The following UNC79 variants were observed in gnomAD, a reference collection of about 807,000 sequenced individuals.
The protein encoded by UNC79 is unc-79 subunit of NALCN channel complex.
UNC79 carries 37 observed loss-of-function variants against 283.1 expected under a neutral mutation model. That is an observed-to-expected ratio of 0.13 (90% CI 0.10 to 0.17). The LOEUF is 0.17. Among genes scored for constraint, UNC79 ranks in the 10% least tolerant of loss-of-function variants. The probability of loss-of-function intolerance (pLI) is 1.00; values close to 1 mark genes in which losing one functional copy is unlikely to be tolerated. For synonymous variants in UNC79, 1,107 were observed against 1,200.2 expected (o/e 0.92, Z 1.61); for missense variants, 2,272 against 3,211.1 (o/e 0.71, Z 7.07).
At chr14:93,439,458 CTT>C (rs1310255318) in intron 1 of UNC79, among the ~76,000 whole-genome samples, 3 of 151,882 alleles carry the variant, frequency 2.0e-5, no homozygotes, top group African/African-American at 7.3e-5. Context: ...TGCTTCCTCT[CTT>C]AACTTTATTA....
chr14:93,646,597 T>C lies in UNC79; in HGVS notation c.6045-11T>C, dbSNP rs78261885. ...AGATATTTGTGTGACTCTCTTTACTTTATTTCCTAGATTGGCATCCAGTAC... is the reference window on the plus strand; with the variant it reads ...AGATATTTGTGTGACTCTCTTTACTCTATTTCCTAGATTGGCATCCAGTAC... On this transcript the variant is annotated splice_polypyrimidine_tract_variant and intron_variant, in intron 34 of 48. Coordinates refer to ENST00000555664, the Ensembl canonical transcript of UNC79. The C allele has an allele frequency of 3.2e-3, 5,179 of 1,613,566 alleles. 148 individuals are homozygous for C. In the African/African-American group the frequency reaches 0.06, roughly 19 times the overall value.
chr14:93,646,501 T>C, intron 34 of UNC79, 107 bp from the exon 38 acceptor site: 9 of 1,054,314 alleles, frequency 8.5e-6, no homozygotes, highest in Non-Finnish European at 1.1e-5. Flanking sequence ...ACATTATACA[T>C]GTCTCCCCAT....
At chr14:93,649,209 A>T (rs1462560242) in intron 35 of UNC79, among the ~76,000 whole-genome samples, 1 of 152,130 alleles carries the variant, frequency 6.6e-6, no homozygotes, top group Non-Finnish European at 1.5e-5. Flanking sequence ...ACATAAGATG[A>T]TATTATTGTT....
exon 2 of UNC79, chr14:93,467,724 A>G: frequency 1.4e-6 from 2 of 1,473,362 alleles, no homozygotes; most frequent in Non-Finnish European, 1.8e-6. Context: ...TCTCCACAAC[A>G]TTTATCCTGT....
chr14:93,530,342 G>A (rs918509551), intron 10 of UNC79, among the ~76,000 whole-genome samples: 4 of 152,128 alleles, frequency 2.6e-5, no homozygotes, highest in Admixed American at 2.0e-4. Flanking sequence ...AAGTGGAGGC[G>A]GGCTGATGGC....
intron 14 of UNC79, among the ~76,000 whole-genome samples, chr14:93,544,857 G>A (rs1224324921): frequency 6.6e-6 from 1 of 152,222 alleles, no homozygotes; most frequent in African/African-American, 2.4e-5. Context: ...CGGTGTCACA[G>A]TTATGGTTAT....
At chr14:93,405,320 T>C (rs1298507020) in intron 1 of UNC79, among the ~76,000 whole-genome samples, 1 of 151,242 alleles carries the variant, frequency 6.6e-6, no homozygotes, top group Non-Finnish European at 1.5e-5. Flanking sequence ...GTAACAATTA[T>C]GTTTACCCTA....
At chr14:93,467,698 A>G in exon 2 of UNC79, 5 of 1,271,346 alleles carry the variant, frequency 3.9e-6, no homozygotes, top group Non-Finnish European at 5.0e-6. Flanking sequence ...TACTTGCAGG[A>G]ATATCATAAC....
At chr14:93,483,251 C>T (rs1175798314) in intron 4 of UNC79, among the ~76,000 whole-genome samples, 1 of 152,106 alleles carries the variant, frequency 6.6e-6, no homozygotes, top group Non-Finnish European at 1.5e-5. Flanking sequence ...CCTGTTTGCC[C>T]TTTCTTGTAG....
chr14:93,502,124 A>G (rs760884029), intron 7 of UNC79, among the ~76,000 whole-genome samples: 1 of 152,168 alleles, frequency 6.6e-6, no homozygotes, highest in Non-Finnish European at 1.5e-5. Context: ...TTAAAGTTGG[A>G]AAGAATTGGC....
chr14:93,532,770 T>A (rs2060890811), intron 11 of UNC79, among the ~76,000 whole-genome samples, 192 bp downstream of exon 11: 1 of 152,230 alleles, frequency 6.6e-6, no homozygotes, highest in Admixed American at 6.5e-5. Flanking sequence ...CCATTTCTGC[T>A]TTTGCTCACC....
intron 27 of UNC79, among the ~76,000 whole-genome samples, chr14:93,616,253 G>A (rs920513390): frequency 6.6e-6 from 1 of 152,002 alleles, no homozygotes; most frequent in Admixed American, 6.6e-5. Flanking sequence ...TATAAACAAA[G>A]CCATGCTGAA....
chr14:93,660,282 T>C (rs751788613), intron 39 of UNC79, among the ~76,000 whole-genome samples: 64 of 151,952 alleles, frequency 4.2e-4, no homozygotes, highest in Non-Finnish European at 8.4e-4. Flanking sequence ...GGAAACAGGC[T>C]CAGAGAGATG....
At chr14:93,352,407 A>G (rs1460445570) in intron 1 of UNC79, among the ~76,000 whole-genome samples, 1 of 152,196 alleles carries the variant, frequency 6.6e-6, no homozygotes, top group African/African-American at 2.4e-5. Flanking sequence ...GAACTATAGG[A>G]ATCTTTTCCA....
chr14:93,581,666 G>A (rs1185494795), intron 19 of UNC79, among the ~76,000 whole-genome samples: 1 of 151,680 alleles, frequency 6.6e-6, no homozygotes, highest in African/African-American at 2.4e-5. Flanking sequence ...GCTAATTTTT[G>A]TATTTTTAGT....
At chr14:93,399,604 C>T (rs1006364331) in intron 1 of UNC79, among the ~76,000 whole-genome samples, 1 of 152,148 alleles carries the variant, frequency 6.6e-6, no homozygotes, top group Non-Finnish European at 1.5e-5. Flanking sequence ...GTGCCAAGCA[C>T]TTTATATGTG....
chr14:93,454,903 A>G (rs2056753503), intron 1 of UNC79, among the ~76,000 whole-genome samples: 1 of 152,224 alleles, frequency 6.6e-6, no homozygotes, highest in Non-Finnish European at 1.5e-5. Flanking sequence ...TATGTGGAAT[A>G]CTTTGAAAAA....
At chr14:93,379,866 A>G (rs2139985945) in intron 1 of UNC79, among the ~76,000 whole-genome samples, 1 of 151,932 alleles carries the variant, frequency 6.6e-6, no homozygotes, top group South Asian at 2.1e-4. Context: ...AATAAAATAA[A>G]AATAATAAAA....
In UNC79 at chr14:93,405,098, C is replaced by T. The variant is rs146171029; in HGVS notation, c.-350-62573C>T. 2.1e-3 allele frequency among the ~76,000 whole-genome samples: 315 copies of T among 152,116 alleles called. 5 individuals carry two copies. In the East Asian group the frequency reaches 0.022, roughly 11 times the overall value. ...GGTAGTTCGAGACCCGCCTGGCCAA[C>T]GTGGTGAAACCCCTTCTCTACTAAA... On this transcript the variant is annotated intron_variant, in intron 1 of 49. Transcript: ENST00000256339.
Sources: allele counts gnomAD v4.1 joint callset (sites outside exome capture counted in the v4.1 genomes callset), GRCh38; gene constraint gnomAD v4.1.1; transcripts MANE v1.5; gene names NCBI Gene and HGNC (gene_info 2026-07-23, HGNC 2026-07-21).